Variants in ARSF observed in about 807,000 individuals in gnomAD.
ARSF encodes arylsulfatase F.
In ARSF, 33 loss-of-function variants were observed where a neutral mutation model predicts 35.4. The observed-to-expected ratio is 0.93, with a 90% CI of 0.71 to 1.25. The LOEUF (loss-of-function observed/expected upper bound fraction) is 1.25. ARSF is among the 50% of genes most tolerant of loss of function. The probability of loss-of-function intolerance (pLI) is 0.00; values close to 1 mark genes in which losing one functional copy is unlikely to be tolerated. For synonymous variants in ARSF, 222 were observed against 193.1 expected, an observed-to-expected ratio of 1.15 and a Z score of -1.24; for missense variants, 501 against 480.2, an observed-to-expected ratio of 1.04 and a Z score of -0.40.
chrX:3,043,631 C>G (rs1401375513), intron 1 of ARSF, among the ~76,000 whole-genome samples: 1 of 111,226 alleles, frequency 9.0e-6, no homozygotes, highest in Non-Finnish European at 1.9e-5. Flanking sequence ...GTAACTCTCT[C>G]CTTCAACTTT....
At chrX:3,077,436 C>T (rs1484062067) in intron 4 of ARSF, among the ~76,000 whole-genome samples, 1 of 111,334 alleles carries the variant, frequency 9.0e-6, no homozygotes, top group Non-Finnish European at 1.9e-5. Context: ...GTCAGGAGTT[C>T]GAGCCCAGCC....
At chrX:3,087,648 A>G (rs762429700) in intron 6 of ARSF, among the ~76,000 whole-genome samples, 8 of 106,660 alleles carry the variant, frequency 7.5e-5, no homozygotes, top group Non-Finnish European at 9.7e-5. Context: ...CTACTATTCA[A>G]ACTACTACAA....
At chrX:3,068,813 C>T (rs964511593) in intron 2 of ARSF, among the ~76,000 whole-genome samples, 7 of 111,789 alleles carry the variant, frequency 6.3e-5, no homozygotes, top group African/African-American at 2.3e-4. Flanking sequence ...TCTATAACTT[C>T]GGGGATTTGG....
intron 1 of ARSF, among the ~76,000 whole-genome samples, chrX:3,043,575 T>A (rs903909630): frequency 9.0e-6 from 1 of 111,451 alleles, no homozygotes; most frequent in African/African-American, 3.3e-5. Context: ...TTCTGCTGCA[T>A]CCTGCTTGCC....
chrX:3,087,374 C>G (rs2090255923), intron 6 of ARSF, among the ~76,000 whole-genome samples: 1 of 111,103 alleles, frequency 9.0e-6, no homozygotes, highest in African/African-American at 3.3e-5. Flanking sequence ...CTTCCCCACT[C>G]CTGGTGGCTT....
chrX:3,100,950 ATTTCT>A, intron 7 of ARSF, 132 bp from the exon 8 acceptor site: 1 of 574,990 alleles, frequency 1.7e-6, no homozygotes, highest in Non-Finnish European at 2.6e-6. Context: ...GTTAATGCAC[ATTTCT>A]TTTCTTTTGT....
intron 1 of ARSF, among the ~76,000 whole-genome samples, chrX:3,067,472 C>T (rs991142983): frequency 6.3e-5 from 7 of 111,272 alleles, no homozygotes; most frequent in African/African-American, 2.3e-4. Flanking sequence ...ATTCAGGACA[C>T]AGAAGCTTTC....
chrX:3,076,454 T>C, intron 3 of ARSF, 94 bp from the exon 4 acceptor site: 6 of 1,002,132 alleles, frequency 6.0e-6, no homozygotes, highest in Non-Finnish European at 8.1e-6. Context: ...CCTTTCTGTT[T>C]GTCCTTCTCT....
intron 9 of ARSF, 85 bp from the exon 10 acceptor site, chrX:3,110,043 T>G (rs926473395): frequency 1.0e-6 from 1 of 988,713 alleles, no homozygotes; most frequent in African/African-American, 2.0e-5. Context: ...CATGACGCAG[T>G]CTTCACCAAG....
chrX:3,078,094 G>A (rs1015105676), intron 4 of ARSF, among the ~76,000 whole-genome samples: 5 of 109,771 alleles, frequency 4.6e-5, no homozygotes, highest in Non-Finnish European at 9.5e-5. Flanking sequence ...GTGAGCCACC[G>A]CACCCGGCCA....
At chrX:3,051,504 G>C (rs1260554952) in intron 1 of ARSF, among the ~76,000 whole-genome samples, 1 of 112,158 alleles carries the variant, frequency 8.9e-6, no homozygotes, top group Non-Finnish European at 1.9e-5. Flanking sequence ...AAACGTAAAT[G>C]GTTCATGTAG....
At chrX:3,091,225 T>C (rs2090287416) in intron 7 of ARSF, among the ~76,000 whole-genome samples, 1 of 112,011 alleles carries the variant, frequency 8.9e-6, no homozygotes, top group Admixed American at 9.5e-5. Context: ...CACATATCTT[T>C]TTGATAGAAA....
intron 1 of ARSF, among the ~76,000 whole-genome samples, chrX:3,055,803 A>G (rs2090015706): frequency 9.0e-6 from 1 of 111,393 alleles, no homozygotes; most frequent in African/African-American, 3.3e-5. Context: ...GCTGCTTCAT[A>G]AGTACAACCT....
intron 7 of ARSF, among the ~76,000 whole-genome samples, chrX:3,100,597 T>G (rs186992055): frequency 9.0e-6 from 1 of 111,570 alleles, no homozygotes; most frequent in Non-Finnish European, 1.9e-5. Flanking sequence ...GTTTTTTGTT[T>G]TTTTGTTTTT....
chrX:3,104,022 C>T (rs1273678744), intron 9 of ARSF, 98 bp downstream of exon 9: 1 of 917,841 alleles, frequency 1.1e-6, no homozygotes, highest in African/African-American at 2.0e-5. Flanking sequence ...GGCAGACCCA[C>T]TTTTTCCCTA....
rs201241897 is a variant in ARSF, at chrX:3,089,638, T to C, written c.967+6T>C. ...AGAGATGGACTCCATGGTGGGTAAG[T>C]CACAGGACTTAAGTGGACAGAAACT... On this transcript the variant is annotated splice_donor_region_variant and intron_variant, in intron 7 of 10. Transcript: ENST00000381127. The C allele has an allele frequency of 2.2e-5, 26 of 1,208,189 alleles. No homozygotes were observed. Among genetic ancestry groups the C allele is most frequent in the Non-Finnish European group, 2.9e-5 (26 of 894,136 alleles).
chrX:3,052,107 C>T (rs2089999313), intron 1 of ARSF, among the ~76,000 whole-genome samples: 1 of 112,117 alleles, frequency 8.9e-6, no homozygotes, highest in Non-Finnish European at 1.9e-5. Context: ...TGTTGAGTCA[C>T]CTCTGAGATT....
At chrX:3,050,926 G>A (rs1483243748) in intron 1 of ARSF, among the ~76,000 whole-genome samples, 1 of 111,527 alleles carries the variant, frequency 9.0e-6, no homozygotes, top group Non-Finnish European at 1.9e-5. Flanking sequence ...TCCTGAGATC[G>A]TATTGGGAAA....
chrX:3,043,441 C>A (rs192475317), intron 1 of ARSF, among the ~76,000 whole-genome samples: 2 of 111,915 alleles, frequency 1.8e-5, no homozygotes, highest in East Asian at 5.6e-4. Flanking sequence ...AAAAGGAGAT[C>A]ATTGGTTAGA....
Sources: gnomAD v4.1 joint callset for allele counts (sites outside exome capture counted in the v4.1 genomes callset) on GRCh38, gnomAD v4.1.1 for gene constraint, MANE v1.5 for transcripts, NCBI Gene and HGNC (gene_info 2026-07-23, HGNC 2026-07-21) for gene names.